Variants in MARK1 observed in about 807,000 individuals in gnomAD.
MARK1 encodes the protein microtubule affinity regulating kinase 1, also known as serine/threonine-protein kinase MARK1.
A neutral mutation model predicts 96.3 loss-of-function variants in MARK1; 40 were observed. The ratio of observed to expected loss-of-function variants is 0.42; its 90% CI spans 0.32 to 0.54. MARK1 has a LOEUF of 0.54. Ranked by LOEUF, MARK1 falls within the 20% of genes least tolerant of loss-of-function variation. The pLI is 0.16. For synonymous variants in MARK1, 317 were observed against 341.2 expected (o/e 0.93, Z 0.78); for missense variants, 719 against 984.6 (o/e 0.73, Z 3.61).
chr1:220,528,884 G>A lies in MARK1; in HGVS notation c.51+11G>A, dbSNP rs546484053. On this transcript the variant is annotated intron_variant, in intron 1 of 17. Coordinates refer to ENST00000366917, the MANE Select transcript of MARK1 (RefSeq NM_018650.5). ...CGGGACACGGAAAATGTGAGTAACC[G>A]GAGCCTCCCTCGGGAGCAGTGGGGG... is the stretch of plus-strand genomic sequence containing the variant. 2.6e-6 allele frequency: 4 copies of A among 1,564,062 alleles called. No homozygotes were observed. The South Asian group carries it at 4.7e-5, about 18-fold the overall frequency.
intron 3 of MARK1, among the ~76,000 whole-genome samples, chr1:220,584,043 A>C (rs1664431871): frequency 6.6e-6 from 1 of 151,980 alleles, no homozygotes; most frequent in South Asian, 2.1e-4. Flanking sequence ...ATAGTTCATA[A>C]ATTTGAAATG....
chr1:220,651,602 A>G (rs2103054421), intron 14 of MARK1, among the ~76,000 whole-genome samples: 1 of 152,306 alleles, frequency 6.6e-6, no homozygotes, highest in South Asian at 2.1e-4. Flanking sequence ...TGATTGTATG[A>G]ATAATGGACA....
chr1:220,648,955 T>G (rs1330435446), intron 13 of MARK1, among the ~76,000 whole-genome samples: 2 of 152,204 alleles, frequency 1.3e-5, no homozygotes, highest in East Asian at 3.8e-4. Context: ...GGAAATAATT[T>G]AAGTGTTCAA....
intron 1 of MARK1, 75 bp from the exon 2 acceptor site, chr1:220,579,279 T>C: frequency 1.0e-6 from 1 of 968,668 alleles, no homozygotes; most frequent in Non-Finnish European, 1.6e-6. Flanking sequence ...GTAATAATAA[T>C]TATTTGTACT....
At chr1:220,613,117 C>T (rs566699551) in intron 6 of MARK1, among the ~76,000 whole-genome samples, 13 of 152,174 alleles carry the variant, frequency 8.5e-5, no homozygotes, top group Middle Eastern at 6.8e-3. Context: ...AGGGAAGTTC[C>T]GATATCCTAT....
intron 13 of MARK1, among the ~76,000 whole-genome samples, chr1:220,639,882 TA>T (rs1170543107): frequency 6.6e-6 from 1 of 152,222 alleles, no homozygotes; most frequent in African/African-American, 2.4e-5. Context: ...TATCAATCTT[TA>T]ACATTTTTGC....
intron 9 of MARK1, among the ~76,000 whole-genome samples, chr1:220,619,737 A>G (rs567796444): frequency 6.6e-6 from 1 of 152,264 alleles, no homozygotes; most frequent in African/African-American, 2.4e-5. Flanking sequence ...AGAATAATTT[A>G]TTTCTTAAGT....
chr1:220,578,931 C>T (rs1490612160), intron 1 of MARK1, among the ~76,000 whole-genome samples: 2 of 152,156 alleles, frequency 1.3e-5, no homozygotes, highest in East Asian at 3.9e-4. Context: ...CAACTTCCGC[C>T]TCCCAGGTTC....
chr1:220,604,151 T>C lies in MARK1; in HGVS notation c.495+14T>C. ...AAATTTAGGCAGGTATGGAAAGTAGTTTTCAACTTTGTTTTGCTGATAATT... is the reference window on the plus strand; with the variant it reads ...AAATTTAGGCAGGTATGGAAAGTAGCTTTCAACTTTGTTTTGCTGATAATT... On this transcript the variant is annotated intron_variant, in intron 6 of 17. Transcript: ENST00000366917. 1 of 1,589,410 alleles carries C rather than the reference T, an allele frequency of 6.3e-7. No individual in the cohort carries two copies. The highest frequency in any genetic ancestry group is 2.2e-5 in the East Asian group (1 of 44,488).
intron 1 of MARK1, among the ~76,000 whole-genome samples, chr1:220,531,265 A>C (rs1660297452): frequency 6.6e-6 from 1 of 152,194 alleles, no homozygotes; most frequent in Admixed American, 6.5e-5. Context: ...TATGGCAGCC[A>C]AAATGTATTT....
chr1:220,648,064 TAA>T (rs57318455), intron 13 of MARK1, among the ~76,000 whole-genome samples: 1 of 137,828 alleles, frequency 7.3e-6, no homozygotes. Flanking sequence ...ATTTAAAAAT[TAA>T]AAAAAAAAAA....
chr1:220,616,981 CAG>C (rs1450009720), intron 7 of MARK1, among the ~76,000 whole-genome samples: 3 of 152,178 alleles, frequency 2.0e-5, no homozygotes, highest in African/African-American at 7.2e-5. Context: ...AAGGAGACCT[CAG>C]AACCCCTTGC....
chr1:220,580,921 A>G (rs1278684780), intron 2 of MARK1, 144 bp from the exon 3 acceptor site: 2 of 352,146 alleles, frequency 5.7e-6, no homozygotes, highest in Non-Finnish European at 1.1e-5. Flanking sequence ...CAAATTATCA[A>G]AATGTTACTA....
intron 1 of MARK1, among the ~76,000 whole-genome samples, chr1:220,539,858 T>C (rs1661012778): frequency 6.6e-6 from 1 of 152,084 alleles, no homozygotes; most frequent in Admixed American, 6.5e-5. Context: ...TGACTTTTTC[T>C]GGTTTTTTAT....
chr1:220,602,119 A>G (rs1165133204), intron 5 of MARK1, among the ~76,000 whole-genome samples: 1 of 152,174 alleles, frequency 6.6e-6, no homozygotes, highest in East Asian at 1.9e-4. Flanking sequence ...TGACATGTAC[A>G]CTAGAAAGGT....
intron 9 of MARK1, chr1:220,626,337 G>A (rs1667332507): frequency 1.8e-6 from 1 of 548,488 alleles, no homozygotes; most frequent in South Asian, 1.4e-5. Flanking sequence ...CTCCTAAGTA[G>A]GGAGAGAACT....
rs115249687 is a variant in MARK1 at position 220,624,899 on chromosome 1, C to G, written c.910-6136C>G. On this transcript the variant is annotated intron_variant, in intron 9 of 17. Coordinates refer to ENST00000366917, the MANE Select transcript of MARK1 (RefSeq NM_018650.5). ...AAAATTCTCAGAACTCTCTTGTATTCCATCCATTCCCTCAGAACCAAATGA... is the reference window on the plus strand; with the variant it reads ...AAAATTCTCAGAACTCTCTTGTATTGCATCCATTCCCTCAGAACCAAATGA... Among the ~76,000 whole-genome samples, 647 of 152,316 alleles carry G rather than the reference C, an allele frequency of 4.2e-3. 2 individuals are homozygous for G. Among genetic ancestry groups the G allele is most frequent in the Non-Finnish European group, 5.5e-3 (375 of 68,026 alleles).
chr1:220,603,580 A>C, intron 5 of MARK1, among the ~76,000 whole-genome samples: 1 of 152,082 alleles, frequency 6.6e-6, no homozygotes, highest in East Asian at 1.9e-4. Flanking sequence ...TAGGAAAGGA[A>C]AGAAATAAAT....
At chr1:220,610,950 G>T (rs962010850) in intron 6 of MARK1, among the ~76,000 whole-genome samples, 1 of 152,078 alleles carries the variant, frequency 6.6e-6, no homozygotes, top group Non-Finnish European at 1.5e-5. Flanking sequence ...TGGAAGCTTC[G>T]TCCCAGAGGG....
Sources: allele counts gnomAD v4.1 joint callset (sites outside exome capture counted in the v4.1 genomes callset), GRCh38; gene constraint gnomAD v4.1.1; transcripts MANE v1.5; gene names NCBI Gene and HGNC (gene_info 2026-07-23, HGNC 2026-07-21).